The following MPPED2 variants were observed in gnomAD, a reference collection of about 807,000 sequenced individuals.
MPPED2 encodes metallophosphoesterase domain containing 2, also known as metallophosphoesterase MPPED2.
Under a neutral mutation model 33.0 loss-of-function variants are expected in MPPED2, and 5 were observed. That is an observed-to-expected ratio of 0.15 (90% confidence interval 0.08 to 0.32). The LOEUF (loss-of-function observed/expected upper bound fraction) is 0.32, where lower values mean the gene tolerates loss of function less well. MPPED2 is among the 10% of genes least tolerant of loss of function. The pLI, the probability that MPPED2 is intolerant of heterozygous loss-of-function variation, is 1.00. For missense variants in MPPED2, 275 were observed against 372.1 expected (o/e 0.74, Z 2.15); for synonymous variants, 136 against 141.9 (o/e 0.96, Z 0.29).
chr11:30,559,058 GA>G, intron 2 of MPPED2, among the ~76,000 whole-genome samples: 1 of 152,228 alleles, frequency 6.6e-6, no homozygotes, highest in African/African-American at 2.4e-5. Flanking sequence ...TTTAACTCCA[GA>G]AGGTCATCAA....
chr11:30,423,456 G>A (rs1948701492), intron 4 of MPPED2, among the ~76,000 whole-genome samples: 1 of 152,214 alleles, frequency 6.6e-6, no homozygotes, highest in Admixed American at 6.5e-5. Context: ...CACAGAAGCT[G>A]TGAAGGGGAA....
At chr11:30,556,975 G>A (rs1418811972) in intron 2 of MPPED2, among the ~76,000 whole-genome samples, 1 of 151,336 alleles carries the variant, frequency 6.6e-6, no homozygotes, top group East Asian at 1.9e-4. Flanking sequence ...AAGATCATCA[G>A]AATAAAAAAA....
At chr11:30,452,180 C>T (rs1285409768) in intron 4 of MPPED2, 4 of 775,996 alleles carry the variant, frequency 5.2e-6, no homozygotes, top group African/African-American at 3.8e-5. Flanking sequence ...AATTCTTGAG[C>T]TCCAAACAGA....
intron 2 of MPPED2, among the ~76,000 whole-genome samples, chr11:30,566,508 C>T (rs957082557): frequency 3.9e-5 from 6 of 152,128 alleles, no homozygotes; most frequent in African/African-American, 1.2e-4. Flanking sequence ...ACACGGGAGA[C>T]TTACATAAGT....
intron 6 of MPPED2, among the ~76,000 whole-genome samples, chr11:30,404,713 C>T (rs568692506): frequency 6.6e-6 from 1 of 152,294 alleles, no homozygotes; most frequent in South Asian, 2.1e-4. Flanking sequence ...CTTCATGTGT[C>T]AATATCTTGT....
intron 3 of MPPED2, among the ~76,000 whole-genome samples, chr11:30,535,204 C>T (rs1224335582): frequency 6.6e-6 from 1 of 152,144 alleles, no homozygotes; most frequent in East Asian, 1.9e-4. Context: ...GCCTAAATCT[C>T]CCAAGTTATT....
chr11:30,475,431 C>T (rs1487229696), intron 4 of MPPED2, among the ~76,000 whole-genome samples: 1 of 152,112 alleles, frequency 6.6e-6, no homozygotes, highest in African/African-American at 2.4e-5. Context: ...GTATATTCCT[C>T]ATACCCTTTG....
At chr11:30,416,366 G>A (rs1948358446) in intron 5 of MPPED2, among the ~76,000 whole-genome samples, 1 of 152,236 alleles carries the variant, frequency 6.6e-6, no homozygotes, top group South Asian at 2.1e-4. Context: ...CCTTGTAAGA[G>A]AAGGAGAGCA....
At chr11:30,517,216 G>T (rs981407138) in intron 3 of MPPED2, among the ~76,000 whole-genome samples, 5 of 152,044 alleles carry the variant, frequency 3.3e-5, no homozygotes, top group African/African-American at 1.2e-4. Context: ...TCTCCCCAGT[G>T]GAAAAGCTTC....
chr11:30,505,836 C>A lies in MPPED2; in HGVS notation c.311-10315G>T, dbSNP rs1952799360. On this transcript the variant is annotated intron_variant, in intron 3 of 6. Transcript: ENST00000358117. ...CTTTGGAGTCAGACAGATTTCGGAT[C>A]AAGTTCCTGCTTCTGTCACTTATTA... Among the ~76,000 whole-genome samples the A allele has an allele frequency of 3.3e-5, 5 of 152,028 alleles. No individual in the cohort carries two copies. In the South Asian group the frequency reaches 1.0e-3, roughly 32 times the overall value.
chr11:30,414,189 G>A (rs1437051990), intron 6 of MPPED2, 39 bp downstream of exon 6: 2 of 1,416,300 alleles, frequency 1.4e-6, no homozygotes, highest in Non-Finnish European at 1.0e-6. Flanking sequence ...TAGTGGACAG[G>A]GGCACAAAAT....
At chr11:30,542,459 C>CAAAAAAAAAA (rs59474313) in intron 2 of MPPED2, among the ~76,000 whole-genome samples, 11 of 77,782 alleles carry the variant, frequency 1.4e-4, no homozygotes, top group Admixed American at 1.7e-4. Flanking sequence ...ACCAAAAGTA[C>CAAAAAAAAAA]AAAAAAAAAA....
intron 4 of MPPED2, among the ~76,000 whole-genome samples, chr11:30,454,100 C>T (rs2133964028): frequency 6.6e-6 from 1 of 152,282 alleles, no homozygotes; most frequent in African/African-American, 2.4e-5. Flanking sequence ...AGGGAGGGGG[C>T]TTCTTTTTAC....
intron 3 of MPPED2, among the ~76,000 whole-genome samples, chr11:30,530,565 G>A (rs569170281): frequency 3.3e-5 from 5 of 152,298 alleles, no homozygotes; most frequent in Admixed American, 1.3e-4. Context: ...TCCTAGAGAC[G>A]GTCATTCCAG....
At position 30,477,325 on chromosome 11, in the gene MPPED2, C is replaced by A. The variant is rs115198095; in HGVS notation, c.536+17971G>T. On this transcript the variant is annotated intron_variant, in intron 4 of 6. Transcript: ENST00000358117. ...TTTCTGATCTTAGTGTGAAAGCATT[C>A]AATATTTGCCATCAGTTGTGATGTT... Among the ~76,000 whole-genome samples the A allele has an allele frequency of 5.6e-3, 849 of 152,112 alleles. 5 individuals carry two copies. The highest frequency in any genetic ancestry group is 0.019 in the African/African-American group (792 of 41,524).
At chr11:30,533,887 T>A (rs988645930) in intron 3 of MPPED2, among the ~76,000 whole-genome samples, 1 of 152,262 alleles carries the variant, frequency 6.6e-6, no homozygotes, top group Admixed American at 6.5e-5. Flanking sequence ...GTACTTTCCC[T>A]TATAAAATCT....
chr11:30,471,861 A>G (rs1484285835), intron 4 of MPPED2, among the ~76,000 whole-genome samples: 1 of 152,206 alleles, frequency 6.6e-6, no homozygotes, highest in Non-Finnish European at 1.5e-5. Context: ...TTTTTCTCTT[A>G]GAACCATAAC....
At chr11:30,495,652 G>T in intron 3 of MPPED2, 131 bp from the exon 4 acceptor site, 1 of 655,050 alleles carries the variant, frequency 1.5e-6, no homozygotes, top group Non-Finnish European at 2.6e-6. Flanking sequence ...ATTTCCATGT[G>T]AACTGGAATT....
chr11:30,559,403 AT>A (rs1326062186), intron 2 of MPPED2, among the ~76,000 whole-genome samples: 2 of 152,226 alleles, frequency 1.3e-5, no homozygotes, highest in East Asian at 3.8e-4. Flanking sequence ...AAACAAAAAA[AT>A]GATCTTTAAA....
Sources: allele counts gnomAD v4.1 joint callset (sites outside exome capture counted in the v4.1 genomes callset), GRCh38; gene constraint gnomAD v4.1.1; transcripts MANE v1.5; gene names NCBI Gene and HGNC (gene_info 2026-07-23, HGNC 2026-07-21).